Variants in GLIS3 observed in about 807,000 individuals in gnomAD.
GLIS3 encodes zinc finger protein GLIS3.
Under a neutral mutation model 78.6 loss-of-function variants are expected in GLIS3, and 53 were observed. The ratio of observed to expected loss-of-function variants is 0.67; its 90% CI spans 0.54 to 0.85. The LOEUF (loss-of-function observed/expected upper bound fraction) is 0.85, where lower values mean the gene tolerates loss of function less well. Among genes scored for constraint, GLIS3 ranks in the 40% least tolerant of loss-of-function variants. The pLI is 0.00. For synonymous variants in GLIS3, 684 were observed against 509.9 expected, an observed-to-expected ratio of 1.34 and a Z score of -4.60; for missense variants, 1,703 against 1,231.1, an observed-to-expected ratio of 1.38 and a Z score of -5.74.
At chr9:3,840,809 C>A (rs1464238323) in intron 9 of GLIS3, among the ~76,000 whole-genome samples, 1 of 152,200 alleles carries the variant, frequency 6.6e-6, no homozygotes, top group African/African-American at 2.4e-5. Flanking sequence ...ACTTGCAGGC[C>A]ACAGCGAGCT....
At chr9:4,164,733 AAAGATATTGTAT>A (rs1245696029) in intron 2 of GLIS3, among the ~76,000 whole-genome samples, 1 of 152,220 alleles carries the variant, frequency 6.6e-6, no homozygotes, top group Non-Finnish European at 1.5e-5. Context: ...TTGGAAAGCA[AAAGATATTGTAT>A]AAAGTGAGAG....
At chr9:3,871,460 C>A (rs773508985) in intron 8 of GLIS3, among the ~76,000 whole-genome samples, 1 of 152,218 alleles carries the variant, frequency 6.6e-6, no homozygotes, top group African/African-American at 2.4e-5. Context: ...TGTGCCCCTG[C>A]AGCAAACTTC....
At chr9:4,366,278 CATTGTCGTCAA>C in the GLIS3 span, among the ~76,000 whole-genome samples, 222 of 152,318 alleles carry the variant, frequency 1.5e-3, 1 homozygote, top group Non-Finnish European at 2.6e-3. Flanking sequence ...CAGCCAGAAT[CATTGTCGTCAA>C]ATAATTTTAA....
intron 4 of GLIS3, among the ~76,000 whole-genome samples, chr9:4,065,173 C>T (rs919061936): frequency 1.3e-5 from 2 of 152,136 alleles, no homozygotes; most frequent in Admixed American, 1.3e-4. Context: ...AGTTTACAAA[C>T]CAGCCCTTCC....
the GLIS3 span, among the ~76,000 whole-genome samples, chr9:4,443,081 C>G: frequency 1.2e-4 from 18 of 152,258 alleles, no homozygotes; most frequent in Admixed American, 7.2e-4. Flanking sequence ...GCAATTTCCC[C>G]ATCCTTAATC....
intron 2 of GLIS3, among the ~76,000 whole-genome samples, chr9:4,211,703 GA>G: frequency 6.6e-6 from 1 of 152,332 alleles, no homozygotes; most frequent in Non-Finnish European, 1.5e-5. Flanking sequence ...TCCTTCTACT[GA>G]AAGACTTGTA....
chr9:4,367,273 C>A, the GLIS3 span, among the ~76,000 whole-genome samples: 3 of 152,200 alleles, frequency 2.0e-5, no homozygotes, highest in Admixed American at 2.0e-4. Flanking sequence ...GAACTCTCTC[C>A]CTTCAGCATT....
In GLIS3 at chr9:3,895,572, A is replaced by G. The variant is rs565582265; in HGVS notation, c.2128+3119T>C. On this transcript the variant is annotated intron_variant, in intron 7 of 10. Transcript: ENST00000381971. ...CGCTATTATCTTTCACAGAAATAAA[A>G]GTATTTTCAGGCAATCCTTTCCAAT... Among the ~76,000 whole-genome samples the G allele has an allele frequency of 7.2e-5, 11 of 152,352 alleles. No individual in the cohort carries two copies. In the South Asian group the frequency reaches 2.3e-3, roughly 32 times the overall value.
At chr9:3,981,833 A>C (rs775086875) in intron 4 of GLIS3, among the ~76,000 whole-genome samples, 12 of 152,164 alleles carry the variant, frequency 7.9e-5, no homozygotes, top group Non-Finnish European at 1.6e-4. Flanking sequence ...CCCCAGGTGG[A>C]TGCCTAGCCA....
At chr9:4,255,807 C>T (rs940871490) in intron 2 of GLIS3, among the ~76,000 whole-genome samples, 2 of 151,850 alleles carry the variant, frequency 1.3e-5, no homozygotes, top group African/African-American at 2.4e-5. Flanking sequence ...TATAAATTTG[C>T]CCAAACTCAT....
rs139312470 is a variant in GLIS3, at chr9:4,029,842, C to T, written c.1710+87926G>A. On this transcript the variant is annotated intron_variant, in intron 4 of 10. Coordinates refer to ENST00000381971, the MANE Select transcript of GLIS3 (RefSeq NM_001042413.2). ...TACCACATTTTTTAATCCATTCATC[C>T]GTTGATGGACACTTTGGTTGCTTCC... 9.1e-3 allele frequency among the ~76,000 whole-genome samples: 1,384 copies of T among 152,206 alleles called. 25 individuals are homozygous for T. Among genetic ancestry groups the T allele is most frequent in the African/African-American group, 0.03 (1,226 of 41,524 alleles).
the GLIS3 span, among the ~76,000 whole-genome samples, chr9:4,376,036 A>C: frequency 6.6e-6 from 1 of 152,326 alleles, no homozygotes; most frequent in South Asian, 2.1e-4. Context: ...CACATATGAG[A>C]CATATGCTGA....
At chr9:4,084,295 A>ACACACAC (rs777071830) in intron 4 of GLIS3, among the ~76,000 whole-genome samples, 9 of 87,546 alleles carry the variant, frequency 1.0e-4, no homozygotes, top group South Asian at 3.8e-4. Flanking sequence ...ACACACACAC[A>ACACACAC]AATTCCTAGC....
At chr9:4,473,854 T>A in the GLIS3 span, among the ~76,000 whole-genome samples, 1 of 152,028 alleles carries the variant, frequency 6.6e-6, no homozygotes, top group African/African-American at 2.4e-5. Context: ...CCTTAGATAC[T>A]GAGAGAAAAA....
At chr9:3,891,308 C>T (rs1822426932) in intron 7 of GLIS3, among the ~76,000 whole-genome samples, 1 of 152,130 alleles carries the variant, frequency 6.6e-6, no homozygotes, top group South Asian at 2.1e-4. Flanking sequence ...ATTCGGGTTA[C>T]AGGAAGAAGT....
At chr9:4,035,988 C>G (rs1455234966) in intron 4 of GLIS3, 1 of 152,298 alleles carries the variant, frequency 6.6e-6, no homozygotes, top group East Asian at 1.9e-4. Context: ...CTACATGCTC[C>G]TATACCAGAT....
chr9:4,127,679 A>G (rs999716525), intron 2 of GLIS3, among the ~76,000 whole-genome samples: 2 of 152,206 alleles, frequency 1.3e-5, no homozygotes, highest in African/African-American at 2.4e-5. Flanking sequence ...AGTCCAGTAT[A>G]TAAGACTGAA....
the GLIS3 span, among the ~76,000 whole-genome samples, chr9:4,371,156 A>T: frequency 6.6e-6 from 1 of 152,228 alleles, no homozygotes; most frequent in Non-Finnish European, 1.5e-5. Flanking sequence ...CCATTTGGTC[A>T]GGCCTGGTTA....
At chr9:4,202,883 A>G (rs981343790) in intron 2 of GLIS3, among the ~76,000 whole-genome samples, 2 of 152,236 alleles carry the variant, frequency 1.3e-5, no homozygotes, top group East Asian at 1.9e-4. Context: ...AAAAGCTAGG[A>G]AACACCATTC....
Sources: allele counts gnomAD v4.1 joint callset (sites outside exome capture counted in the v4.1 genomes callset), GRCh38; gene constraint gnomAD v4.1.1; transcripts MANE v1.5; gene names NCBI Gene and HGNC (gene_info 2026-07-23, HGNC 2026-07-21).